Variants in HSP90AB1 observed in about 807,000 individuals in gnomAD.
The protein encoded by HSP90AB1 is heat shock protein 90 alpha family class B member 1, also known as heat shock protein HSP 90-beta.
Under a neutral mutation model 67.8 loss-of-function variants are expected in HSP90AB1, and 17 were observed. The observed-to-expected ratio is 0.25, with a 90% CI of 0.17 to 0.38. The LOEUF is 0.38. Among genes scored for constraint, HSP90AB1 ranks in the 10% least tolerant of loss-of-function variants. HSP90AB1 has a pLI of 1.00. For synonymous variants in HSP90AB1, 390 were observed against 312.9 expected (o/e 1.25, Z -2.60); for missense variants, 690 against 899.9 (o/e 0.77, Z 2.98).
intron 1 of HSP90AB1, chr6:44,247,882 G>A (rs1780131941): frequency 6.6e-6 from 1 of 152,190 alleles, no homozygotes; most frequent in South Asian, 2.1e-4. Context: ...GGATGCTGGG[G>A]CGAGGGAGGG....
chr6:44,252,958 C>T, intron 10 of HSP90AB1, 87 bp from the exon 11 acceptor site: 4 of 1,109,692 alleles, frequency 3.6e-6, no homozygotes, highest in Admixed American at 1.9e-5. Context: ...TGTCCACCTC[C>T]TCCCCCTGCT....
At position 44,251,890 on chromosome 6, in the gene HSP90AB1, T is replaced by C. The variant is rs772735396; in HGVS notation, c.1462+6T>C. 1 of 1,613,284 alleles carries C rather than the reference T, an allele frequency of 6.2e-7. No homozygotes were observed. The highest frequency in any genetic ancestry group is 2.2e-5 in the East Asian group (1 of 44,888). ...GTCCATCTATTACATCACTGGTGCG[T>C]TGACTCTGATTGAAGCCTTTTTGGA... On this transcript the variant is annotated splice_donor_region_variant and intron_variant, in intron 9 of 11. Coordinates refer to ENST00000371646, the MANE Select transcript of HSP90AB1 (RefSeq NM_007355.4).
At chr6:44,252,730 T>TTG (rs1246217906) in intron 10 of HSP90AB1, among the ~76,000 whole-genome samples, 1 of 152,086 alleles carries the variant, frequency 6.6e-6, no homozygotes, top group Non-Finnish European at 1.5e-5. Flanking sequence ...TCTCCTGACC[T>TTG]TGTGATTCGC....
At chr6:44,252,605 C>T (rs960722167) in intron 10 of HSP90AB1, among the ~76,000 whole-genome samples, 2 of 152,240 alleles carry the variant, frequency 1.3e-5, no homozygotes, top group Admixed American at 6.5e-5. Flanking sequence ...ACGCCATTCT[C>T]CTGCCTTAGC....
Position 44,251,529 on chromosome 6 carries a change from G to C in HSP90AB1, c.1235G>C (p.Cys412Ser). 1 of 1,612,426 alleles carries C rather than the reference G, an allele frequency of 6.2e-7. No homozygotes were observed. Among genetic ancestry groups the C allele is most frequent in the Non-Finnish European group, 8.5e-7 (1 of 1,178,734 alleles). The part of the protein sequence containing the change: ...KVIRKNIVKK[C>S]LELFSELAED... ...ATTCGCAAAAACATTGTTAAGAAGT[G>C]CCTTGAGCTCTTCTCTGAGCTGGCA... Residue 412 changes from cysteine (C) to serine (S), a missense_variant, in exon 8 of 12, where the codon TGC (cysteine) becomes TCC (serine). Around this residue, in one of 7 missense-constraint regions of HSP90AB1, gnomAD observed 101 missense variants for 174.8 expected, o/e 0.58. Coordinates refer to ENST00000371646, the MANE Select transcript of HSP90AB1 (RefSeq NM_007355.4).
chr6:44,249,822 C>G lies in HSP90AB1; in HGVS notation c.502C>G (p.Arg168Gly), dbSNP rs370988754. 1 of 1,607,272 alleles carries G rather than the reference C, an allele frequency of 6.2e-7. No individual in the cohort carries two copies. The highest frequency in any genetic ancestry group is 1.7e-4 in the Middle Eastern group (1 of 6,032). Residue 168 changes from arginine (R) to glycine (G), a missense_variant, in exon 4 of 12, where the codon CGT becomes GGT. Arg to Gly is a moderately radical substitution (Grantham distance 125, BLOSUM62 -2). This residue lies in a region of HSP90AB1 where 146 missense variants were observed against 143.7 expected (regional missense o/e 1.02). Coordinates refer to ENST00000371646, the MANE Select transcript of HSP90AB1 (RefSeq NM_007355.4). ...ESSAGGSFTVRADHGEPIGRG... is the reference protein window; with the variant it reads ...ESSAGGSFTVGADHGEPIGRG... The stretch of plus-strand genomic sequence containing the variant: ...TTCTGCTGGAGGTTCCTTCACTGTG[C>G]GTGCTGACCATGGTAAGTTAGCTTT...
In HSP90AB1 at chr6:44,251,876, A is replaced by C; in HGVS notation, c.1454A>C (p.Tyr485Ser). The change falls in exon 9 of 12, where the codon TAC (tyrosine) becomes TCC (serine). Residue 485 changes from tyrosine (Y) to serine (S), a missense_variant. Physicochemically the swap from Tyr to Ser is moderately radical, Grantham distance 144. Around this residue, in one of 7 missense-constraint regions of HSP90AB1, gnomAD observed 206 missense variants for 221.4 expected, o/e 0.93. Transcript: ENST00000371646. ...AAGGAGACACAGAAGTCCATCTATT[A>C]CATCACTGGTGCGTTGACTCTGATT... ...RMKETQKSIYYITGESKEQVA... is the reference protein window; with the variant it reads ...RMKETQKSIYSITGESKEQVA... 1.2e-6 allele frequency: 2 copies of C among 1,613,220 alleles called. No individual in the cohort carries two copies. The highest frequency in any genetic ancestry group is 8.5e-7 in the Non-Finnish European group (1 of 1,180,032).
Position 44,253,157 on chromosome 6 carries a change from C to A in HSP90AB1, c.1844C>A (p.Ser615Tyr). 2 of 1,614,192 alleles carry A rather than the reference C, an allele frequency of 1.2e-6. No homozygotes were observed. Among genetic ancestry groups the A allele is most frequent in the Non-Finnish European group, 1.7e-6 (2 of 1,180,018 alleles). The change falls in exon 11 of 12, where the codon TCC becomes TAC. Residue 615 changes from serine to tyrosine, a missense_variant. Around this residue, in one of 7 missense-constraint regions of HSP90AB1, gnomAD observed 120 missense variants for 153.5 expected, o/e 0.78. Transcript: ENST00000371646. ...AAAGCCCAGGCACTTCGGGACAACTCCACCATGGGCTATATGATGGCCAAA... is the reference window on the plus strand; with the variant it reads ...AAAGCCCAGGCACTTCGGGACAACTACACCATGGGCTATATGATGGCCAAA... ...IMKAQALRDN[S>Y]TMGYMMAKKH... is the part of the protein sequence containing the mutation.
At chr6:44,249,207 A>G (rs1363014827) in intron 2 of HSP90AB1, among the ~76,000 whole-genome samples, 170 bp from the exon 3 acceptor site, 3 of 151,522 alleles carry the variant, frequency 2.0e-5, no homozygotes, top group African/African-American at 7.3e-5. Context: ...GCACGGTGGC[A>G]TGTGCCTGTA....
intron 10 of HSP90AB1, 68 bp from the exon 11 acceptor site, chr6:44,252,977 G>A (rs1353239716): frequency 1.9e-5 from 25 of 1,337,876 alleles, no homozygotes; most frequent in Non-Finnish European, 1.1e-6. Flanking sequence ...CTGGAATTAG[G>A]CTTGACAATG....
intron 1 of HSP90AB1, chr6:44,248,088 CG>C (rs1349601036): frequency 6.6e-6 from 1 of 152,462 alleles, no homozygotes; most frequent in Non-Finnish European, 1.5e-5. Flanking sequence ...CGGTGGGTAT[CG>C]TATGGATCCC....
upstream of HSP90AB1, chr6:44,247,093 C>T (rs777080255): frequency 6.6e-6 from 1 of 152,234 alleles, no homozygotes; most frequent in Non-Finnish European, 1.5e-5. Context: ...TTGGGGCACG[C>T]AGTAGCTCTC....
At chr6:44,252,588 T>C (rs1337398021) in intron 10 of HSP90AB1, among the ~76,000 whole-genome samples, 5 of 152,152 alleles carry the variant, frequency 3.3e-5, no homozygotes, top group Admixed American at 3.3e-4. Context: ...CTCCGCCTCC[T>C]GGGTTCACGC....
At chr6:44,250,736 C>G (rs540495820) in intron 6 of HSP90AB1, 137 bp downstream of exon 6, 30 of 642,818 alleles carry the variant, frequency 4.7e-5, no homozygotes, top group Non-Finnish European at 8.1e-5. Context: ...ATTTCACTTA[C>G]TGATTACCCT....
intron 6 of HSP90AB1, 37 bp downstream of exon 6, chr6:44,250,636 A>G (rs374768333): frequency 1.7e-5 from 19 of 1,151,068 alleles, no homozygotes; most frequent in Non-Finnish European, 2.2e-5. Context: ...CAACATGCAC[A>G]TATGGAGAGG....
In HSP90AB1 at chr6:44,253,335, G is replaced by A. The variant is rs112996495; in HGVS notation, c.2022G>A (p.Gln674=). 439 of 1,614,194 alleles carry A rather than the reference G, an allele frequency of 2.7e-4. 1 individual carries two copies. Among genetic ancestry groups the A allele is most frequent in the Non-Finnish European group, 3.5e-4 (408 of 1,180,028 alleles). The change falls in exon 11 of 12, where the codon CAG becomes CAA. Residue 674 remains glutamine (Q), a synonymous_variant. Coordinates refer to ENST00000371646, the MANE Select transcript of HSP90AB1 (RefSeq NM_007355.4). ...CTGGCTTTTCCCTTGAGGATCCCCA[G>A]ACCCACTCCAACCGCATCTATCGCA... The part of the protein sequence containing the change: ...LSSGFSLEDP[Q]THSNRIYRMI...
Position 44,251,888 on chromosome 6 carries a change from C to T in HSP90AB1, c.1462+4C>T, listed in dbSNP as rs768609786. ...AAGTCCATCTATTACATCACTGGTG[C>T]GTTGACTCTGATTGAAGCCTTTTTG... On this transcript the variant is annotated splice_donor_region_variant and intron_variant, in intron 9 of 11. Transcript: ENST00000371646. The T allele has an allele frequency of 1.2e-5, 19 of 1,613,112 alleles. No individual in the cohort carries two copies. Among genetic ancestry groups the T allele is most frequent in the South Asian group, 7.7e-5 (7 of 91,044 alleles).
chr6:44,251,624 A>G lies in HSP90AB1; in HGVS notation c.1314+16A>G. 1 of 1,593,372 alleles carries G rather than the reference A, an allele frequency of 6.3e-7. No homozygotes were observed. The highest frequency in any genetic ancestry group is 8.6e-7 in the Non-Finnish European group (1 of 1,166,350). On this transcript the variant is annotated intron_variant, in intron 8 of 11. Transcript: ENST00000371646. ...AAATCTCAAGGTAAAAAGGCAAATA[A>G]TGCTTATTCCCTTTACCACTTTCTT...
rs1052840808 is a variant in HSP90AB1 at position 44,249,259 on chromosome 6, A to G, written c.148-118A>G. The G allele has an allele frequency of 2.7e-5, 21 of 787,336 alleles. No individual in the cohort carries two copies. In the African/African-American group the frequency reaches 3.4e-4, roughly 13 times the overall value. The allele number at this position is 787,336 out of a possible 1,614,324, so 48.8% of individuals were successfully genotyped here. On this transcript the variant is annotated intron_variant, in intron 2 of 11. Transcript: ENST00000371646. ...AAGCTGGGGTTGGGAGGATGGCTCG[A>G]ACCTGGGAGGTCAAGGCTGCAGTGA...
Sources: gnomAD v4.1 joint callset for allele counts (sites outside exome capture counted in the v4.1 genomes callset) on GRCh38, gnomAD v4.1.1 for gene constraint, gnomAD v4.1.1 regional missense constraint, MANE v1.5 for transcripts, NCBI Gene and HGNC (gene_info 2026-07-23, HGNC 2026-07-21) for gene names.